TMCC1: variants seen among roughly 807,000 people sequenced by gnomAD.
The protein encoded by TMCC1 is transmembrane and coiled-coil domain family 1, also known as transmembrane and coiled-coil domains protein 1.
Under a neutral mutation model 52.4 loss-of-function variants are expected in TMCC1, and 15 were observed. The ratio of observed to expected loss-of-function variants is 0.29; its 90% CI spans 0.19 to 0.44. The LOEUF is 0.44. TMCC1 is among the 20% of genes least tolerant of loss of function. TMCC1 has a pLI of 1.00. For missense variants in TMCC1, 503 were observed against 806.0 expected (o/e 0.62, Z 4.55); for synonymous variants, 279 against 301.9 (o/e 0.92, Z 0.79).
intron 4 of TMCC1, among the ~76,000 whole-genome samples, chr3:129,817,680 C>T (rs1194139804): frequency 1.3e-5 from 2 of 151,900 alleles, no homozygotes; most frequent in African/African-American, 4.8e-5. Context: ...TGGAGTCTCA[C>T]TCTGTCACCC....
At chr3:129,814,034 T>G (rs746420484) in intron 4 of TMCC1, among the ~76,000 whole-genome samples, 1 of 151,930 alleles carries the variant, frequency 6.6e-6, no homozygotes, top group Non-Finnish European at 1.5e-5. Flanking sequence ...AAGTCCACTG[T>G]TGGAATAACT....
At chr3:129,799,564 G>A (rs1164737481) in intron 4 of TMCC1, among the ~76,000 whole-genome samples, 6 of 152,036 alleles carry the variant, frequency 3.9e-5, no homozygotes, top group Non-Finnish European at 7.4e-5. Flanking sequence ...TAGTCCCAGC[G>A]CTTTGGGAGG....
At position 129,670,936 on chromosome 3, in the gene TMCC1, T is replaced by C. The variant is rs748727650; in HGVS notation, c.905A>G (p.Tyr302Cys). The stretch of plus-strand genomic sequence containing the variant: ...CTCTACCTCTCTGAGCTTCCTGTGG[T>C]AGTGCTCAAGTTTCTTTTGCAGCTG... ...ILQLQKKLEH[Y>C]HRKLREVEQN... Residue 302 changes from tyrosine to cysteine, a missense_variant, in exon 5 of 7, where the codon TAC becomes TGC. This residue lies in a region of TMCC1 where 73 missense variants were observed against 182.9 expected (regional missense o/e 0.40). Transcript: ENST00000393238. 3.7e-6 allele frequency: 6 copies of C among 1,614,256 alleles called. No homozygotes were observed. The highest frequency in any genetic ancestry group is 1.6e-4 in the Middle Eastern group (1 of 6,062).
chr3:129,835,966 A>G (rs927845064), intron 2 of TMCC1, among the ~76,000 whole-genome samples: 1 of 152,212 alleles, frequency 6.6e-6, no homozygotes, highest in African/African-American at 2.4e-5. Context: ...CCAGATGACA[A>G]AAATCAATTT....
At chr3:129,864,826 G>A (rs2060548675) in intron 2 of TMCC1, among the ~76,000 whole-genome samples, 1 of 152,098 alleles carries the variant, frequency 6.6e-6, no homozygotes, top group Non-Finnish European at 1.5e-5. Context: ...AATCCCCTTG[G>A]TAAACTGATT....
chr3:129,765,945 C>T (rs1205793336), intron 4 of TMCC1, among the ~76,000 whole-genome samples: 1 of 152,110 alleles, frequency 6.6e-6, no homozygotes, highest in African/African-American at 2.4e-5. Context: ...AGATCACCTA[C>T]ATACAATATT....
At chr3:129,765,576 A>G (rs539699941) in intron 4 of TMCC1, among the ~76,000 whole-genome samples, 1 of 152,220 alleles carries the variant, frequency 6.6e-6, no homozygotes, top group Non-Finnish European at 1.5e-5. Flanking sequence ...TGGATTAACT[A>G]TGAGTGGTAG....
intron 4 of TMCC1, among the ~76,000 whole-genome samples, chr3:129,687,820 A>G (rs987086686): frequency 1.3e-5 from 2 of 152,240 alleles, no homozygotes; most frequent in Non-Finnish European, 2.9e-5. Context: ...CAACAACTCT[A>G]TAACAGGAGG....
intron 4 of TMCC1, among the ~76,000 whole-genome samples, chr3:129,744,343 G>A (rs2051733975): frequency 6.6e-6 from 1 of 152,054 alleles, no homozygotes; most frequent in African/African-American, 2.4e-5. Flanking sequence ...TAAACAGACA[G>A]GGTCTCACTA....
intron 2 of TMCC1, among the ~76,000 whole-genome samples, chr3:129,879,046 C>T (rs36016814): frequency 0.081 from 12,398 of 152,280 alleles, 672 homozygotes; most frequent in East Asian, 0.17. Context: ...CATCTGTGAA[C>T]ACTCAACCCC....
At chr3:129,705,776 T>G (rs2048180358) in intron 4 of TMCC1, among the ~76,000 whole-genome samples, 1 of 152,036 alleles carries the variant, frequency 6.6e-6, no homozygotes, top group African/African-American at 2.4e-5. Context: ...GTATTTTTAG[T>G]AGAGACGGGG....
chr3:129,694,164 G>C (rs898395323), intron 4 of TMCC1, among the ~76,000 whole-genome samples: 1 of 152,324 alleles, frequency 6.6e-6, no homozygotes, highest in Admixed American at 6.5e-5. Context: ...AATCTGGTGA[G>C]AGAGTTTCTC....
At chr3:129,736,819 C>T (rs549283856) in intron 4 of TMCC1, among the ~76,000 whole-genome samples, 148 of 151,732 alleles carry the variant, frequency 9.8e-4, no homozygotes, top group Admixed American at 1.8e-3. Flanking sequence ...TGCGCCCGGC[C>T]GCAATTATTC....
chr3:129,892,457 G>GT (rs2062012991), intron 1 of TMCC1: 3 of 151,990 alleles, frequency 2.0e-5, no homozygotes, highest in Non-Finnish European at 4.4e-5. Flanking sequence ...AGAAAAAAAT[G>GT]TATCTACCTC....
chr3:129,726,764 G>A (rs923091717), intron 4 of TMCC1, among the ~76,000 whole-genome samples: 1 of 148,548 alleles, frequency 6.7e-6, no homozygotes, highest in Non-Finnish European at 1.5e-5. Flanking sequence ...CTGTAATCTC[G>A]GCTACTTGGG....
chr3:129,846,257 A>G (rs1257321945), intron 2 of TMCC1, among the ~76,000 whole-genome samples: 5 of 151,806 alleles, frequency 3.3e-5, no homozygotes, highest in African/African-American at 1.2e-4. Flanking sequence ...ATAGTGGCAC[A>G]TGCCTATAGT....
At chr3:129,890,898 A>G (rs1416529777) in intron 1 of TMCC1, among the ~76,000 whole-genome samples, 1 of 152,250 alleles carries the variant, frequency 6.6e-6, no homozygotes, top group Non-Finnish European at 1.5e-5. Context: ...ACTCCACTGC[A>G]GTCTTACTCC....
chr3:129,688,747 C>T (rs767230679), intron 4 of TMCC1: 3 of 985,432 alleles, frequency 3.0e-6, no homozygotes, highest in Non-Finnish European at 3.6e-6. Context: ...TAGTTTGACT[C>T]TGAGAATGGA....
intron 4 of TMCC1, among the ~76,000 whole-genome samples, chr3:129,683,220 G>A (rs2089148662): frequency 6.6e-6 from 1 of 152,228 alleles, no homozygotes; most frequent in Non-Finnish European, 1.5e-5. Flanking sequence ...GCCAACCATA[G>A]GTGATCAGAG....
Sources: gnomAD v4.1 joint callset for allele counts (sites outside exome capture counted in the v4.1 genomes callset) on GRCh38, gnomAD v4.1.1 for gene constraint, gnomAD v4.1.1 regional missense constraint, MANE v1.5 for transcripts, NCBI Gene and HGNC (gene_info 2026-07-23, HGNC 2026-07-21) for gene names.